Variants in CHST8 observed in about 807,000 individuals in gnomAD.
CHST8 encodes carbohydrate sulfotransferase 8, also known as GALNAC-4-ST1.
In CHST8, 10 loss-of-function variants were observed where a neutral mutation model predicts 15.0. That is an observed-to-expected ratio of 0.67 (90% CI 0.41 to 1.13). The LOEUF is 1.13. CHST8 is among the 50% of genes most tolerant of loss of function. The pLI, the probability that CHST8 is intolerant of heterozygous loss-of-function variation, is 0.00. For missense variants in CHST8, 634 were observed against 608.2 expected, an observed-to-expected ratio of 1.04 and a Z score of -0.45; for synonymous variants, 259 against 256.6, an observed-to-expected ratio of 1.01 and a Z score of -0.09.
chr19:33,651,858 T>C (rs949969610), intron 1 of CHST8, among the ~76,000 whole-genome samples: 2 of 152,200 alleles, frequency 1.3e-5, no homozygotes, highest in African/African-American at 2.4e-5. Context: ...GGAAATAATA[T>C]GTCTCCTCTA....
rs1599647231 is a variant in CHST8 at position 33,771,466 on chromosome 19, C to T, written c.168+16C>T. On this transcript the variant is annotated intron_variant, in intron 4 of 4. Transcript: ENST00000650847. ...GCCCCACCACGTAAGTTCTGAGAGT[C>T]AGATAAATCTCAGTGCACACAGCCC... 4 of 1,613,360 alleles carry T rather than the reference C, an allele frequency of 2.5e-6. No individual in the cohort carries two copies. Among genetic ancestry groups the T allele is most frequent in the Non-Finnish European group, 3.4e-6 (4 of 1,179,300 alleles).
intron 3 of CHST8, among the ~76,000 whole-genome samples, chr19:33,768,959 A>G (rs1421734934): frequency 6.6e-6 from 1 of 152,202 alleles, no homozygotes; most frequent in Non-Finnish European, 1.5e-5. Flanking sequence ...ACACATGTAA[A>G]CAGGAAATCA....
chr19:33,742,912 C>A (rs567764193), intron 3 of CHST8, among the ~76,000 whole-genome samples: 1 of 152,160 alleles, frequency 6.6e-6, no homozygotes, highest in Non-Finnish European at 1.5e-5. Flanking sequence ...ATCCTATTGT[C>A]CCCCATCAGT....
chr19:33,663,034 G>A (rs1972606553), intron 1 of CHST8, among the ~76,000 whole-genome samples: 1 of 152,168 alleles, frequency 6.6e-6, no homozygotes, highest in East Asian at 1.9e-4. Context: ...ACCCCGTGAT[G>A]GTGTCTGTGT....
At position 33,696,842 on chromosome 19, in the gene CHST8, G is replaced by A. The variant is rs192080100; in HGVS notation, c.130+7451G>A. ...CCATGCCAACATTATTGTTTTTTAA[G>A]TTTTTTTTTTTTTTTGAGACGGAGT... On this transcript the variant is annotated intron_variant, in intron 3 of 4. Coordinates refer to ENST00000650847, the MANE Select transcript of CHST8 (RefSeq NM_001127895.2). Among the ~76,000 whole-genome samples the A allele has an allele frequency of 4.1e-3, 588 of 141,998 alleles. 1 individual carries two copies. The highest frequency in any genetic ancestry group is 5.6e-3 in the Non-Finnish European group (366 of 64,980). 93.2% of individuals were successfully genotyped at this position (141,998 alleles called of 152,430 possible). A position where few individuals can be genotyped will look rare whatever the true frequency, so the allele number is the denominator to read the frequency against.
chr19:33,765,419 G>A (rs1974814303), intron 3 of CHST8, among the ~76,000 whole-genome samples: 2 of 151,966 alleles, frequency 1.3e-5, no homozygotes, highest in Admixed American at 6.6e-5. Flanking sequence ...TACAGCAGCT[G>A]CAGGAACAAA....
At chr19:33,757,565 A>AAAG (rs1974622380) in intron 3 of CHST8, among the ~76,000 whole-genome samples, 2 of 132,742 alleles carry the variant, frequency 1.5e-5, no homozygotes, top group African/African-American at 5.7e-5. Context: ...AGAAAGAAAG[A>AAAG]AAGAAAGAAA....
At chr19:33,758,624 C>G (rs745984264) in intron 3 of CHST8, among the ~76,000 whole-genome samples, 9 of 152,160 alleles carry the variant, frequency 5.9e-5, no homozygotes, top group South Asian at 2.1e-4. Flanking sequence ...GGAGCTGGAC[C>G]GATCATTTTC....
chr19:33,675,275 G>C (rs1338956560), intron 2 of CHST8, among the ~76,000 whole-genome samples: 1 of 152,216 alleles, frequency 6.6e-6, no homozygotes, highest in Non-Finnish European at 1.5e-5. Flanking sequence ...ATTGGCTCAG[G>C]ATCCAGGGGC....
rs774761619 is a variant in CHST8, at chr19:33,689,332, G to A, written c.71G>A (p.Gly24Asp). 1 of 1,609,524 alleles carries A rather than the reference G, an allele frequency of 6.2e-7. No homozygotes were observed. Among genetic ancestry groups the A allele is most frequent in the South Asian group, 1.1e-5 (1 of 90,494 alleles). ...TCCATCCTGCTGTTCGGAGCTGCAG[G>A]CCTCCTCCTCTTCATCAGCCTGCAG... ...FSSILLFGAA[G>D]LLLFISLQDP... is the part of the protein sequence containing the mutation. Residue 24 changes from glycine to aspartate, a missense_variant, in exon 3 of 5, where the codon GGC (glycine) becomes GAC (aspartate). By Grantham distance (94) the Gly-to-Asp change is moderately conservative. Coordinates refer to ENST00000650847, the MANE Select transcript of CHST8 (RefSeq NM_001127895.2).
At chr19:33,765,008 G>A (rs565931733) in intron 3 of CHST8, among the ~76,000 whole-genome samples, 20 of 145,140 alleles carry the variant, frequency 1.4e-4, no homozygotes, top group African/African-American at 5.1e-4. Flanking sequence ...AGGTGGCTGC[G>A]AATGCCATTA....
chr19:33,772,678 G>C lies in CHST8; in HGVS notation c.890G>C (p.Arg297Pro), dbSNP rs746174725. Reference protein sequence around the residue: ...ILARYRANASREALRTGSGVR... With the variant: ...ILARYRANASPEALRTGSGVR... ...GCCCGGTACCGCGCCAATGCCTCTC[G>C]GGAGGCCCTGCGGACCGGCTCTGGG... The change falls in exon 5 of 5, where the codon CGG becomes CCG. Residue 297 changes from arginine (R) to proline (P), a missense_variant. Coordinates refer to ENST00000650847, the MANE Select transcript of CHST8 (RefSeq NM_001127895.2). 24 of 1,613,738 alleles carry C rather than the reference G, an allele frequency of 1.5e-5. No homozygotes were observed. Among genetic ancestry groups the C allele is most frequent in the South Asian group, 8.8e-5 (8 of 91,082 alleles).
chr19:33,679,834 AC>A (rs1048286706), intron 2 of CHST8, among the ~76,000 whole-genome samples: 8 of 152,116 alleles, frequency 5.3e-5, no homozygotes, highest in African/African-American at 1.9e-4. Flanking sequence ...GGATTTGCTG[AC>A]CACCTGGGGA....
At chr19:33,706,726 T>C (rs1204453981) in intron 3 of CHST8, among the ~76,000 whole-genome samples, 1 of 152,230 alleles carries the variant, frequency 6.6e-6, no homozygotes, top group Non-Finnish European at 1.5e-5. Context: ...TGATCGCTGC[T>C]TGAATTAGTT....
intron 1 of CHST8, among the ~76,000 whole-genome samples, chr19:33,633,875 G>C (rs1032090507): frequency 6.7e-6 from 1 of 148,620 alleles, no homozygotes; most frequent in African/African-American, 2.5e-5. Flanking sequence ...CATGGCTCAC[G>C]GCAGCCTTGA....
At chr19:33,726,437 TC>T (rs1304623720) in intron 3 of CHST8, among the ~76,000 whole-genome samples, 9 of 152,136 alleles carry the variant, frequency 5.9e-5, no homozygotes, top group Non-Finnish European at 1.3e-4. Context: ...ATGCCTGTAG[TC>T]CCAGCTACTC....
chr19:33,738,664 AC>A (rs1405989210), intron 3 of CHST8, among the ~76,000 whole-genome samples: 1 of 152,122 alleles, frequency 6.6e-6, no homozygotes, highest in Admixed American at 6.6e-5. Context: ...ACCTCGGCTC[AC>A]TGCAACCTCC....
intron 3 of CHST8, among the ~76,000 whole-genome samples, chr19:33,691,763 G>A (rs909057481): frequency 6.6e-6 from 1 of 152,218 alleles, no homozygotes; most frequent in Non-Finnish European, 1.5e-5. Flanking sequence ...GTGAATTTCT[G>A]TTGGTGGGAG....
intron 1 of CHST8, among the ~76,000 whole-genome samples, chr19:33,663,731 A>T (rs1181349879): frequency 6.6e-6 from 1 of 152,070 alleles, no homozygotes; most frequent in Non-Finnish European, 1.5e-5. Flanking sequence ...TTAGCAGGAC[A>T]TGGTGGCAGG....
Sources: gnomAD v4.1 joint callset for allele counts (sites outside exome capture counted in the v4.1 genomes callset) on GRCh38, gnomAD v4.1.1 for gene constraint, MANE v1.5 for transcripts, NCBI Gene and HGNC (gene_info 2026-07-23, HGNC 2026-07-21) for gene names.